PHLDB2: variants seen among roughly 807,000 people sequenced by gnomAD.
The protein encoded by PHLDB2 is pleckstrin homology-like domain family B member 2.
Under a neutral mutation model 123.6 loss-of-function variants are expected in PHLDB2, and 71 were observed. The ratio of observed to expected loss-of-function variants is 0.57; its 90% CI spans 0.47 to 0.70. The LOEUF is 0.70. PHLDB2 is among the 30% of genes least tolerant of loss of function. The probability of loss-of-function intolerance (pLI) is 0.00; values close to 1 mark genes in which losing one functional copy is unlikely to be tolerated. For synonymous variants in PHLDB2, 547 were observed against 541.6 expected, an observed-to-expected ratio of 1.01 and a Z score of -0.14; for missense variants, 1,446 against 1,519.5, an observed-to-expected ratio of 0.95 and a Z score of 0.80.
chr3:111,972,045 A>C (rs2072225805), intron 16 of PHLDB2, among the ~76,000 whole-genome samples: 2 of 152,232 alleles, frequency 1.3e-5, no homozygotes, highest in African/African-American at 2.4e-5. Flanking sequence ...TATATTTTTC[A>C]GAGTTCTTTC....
rs1406411626 is a variant in PHLDB2 at position 111,820,421 on chromosome 3, A to T, written c.-48-25400A>T. The stretch of plus-strand genomic sequence containing the variant: ...ACCCCTTGGCATTCTACTCTAGTGG[A>T]ACTATATACTATAGTGGAAACACTA... On this transcript the variant is annotated intron_variant, in intron 1 of 17. Coordinates refer to the PHLDB2 transcript ENST00000393923. 2.0e-5 allele frequency among the ~76,000 whole-genome samples: 3 copies of T among 152,172 alleles called. 1 individual carries two copies. The highest frequency in any genetic ancestry group is 2.0e-4 in the Admixed American group (3 of 15,266).
intron 2 of PHLDB2, among the ~76,000 whole-genome samples, chr3:111,892,712 C>T (rs1162490821): frequency 6.6e-6 from 1 of 152,112 alleles, no homozygotes; most frequent in Non-Finnish European, 1.5e-5. Context: ...TTCTAGCATT[C>T]TTTGTAAGAA....
chr3:111,971,828 CTG>C (rs113549729), intron 16 of PHLDB2, among the ~76,000 whole-genome samples: 26 of 152,330 alleles, frequency 1.7e-4, no homozygotes, highest in African/African-American at 4.8e-4. Context: ...TCCCAGGACT[CTG>C]TGTTATTCAT....
At chr3:111,973,016 C>T (rs1298012337) in intron 16 of PHLDB2, among the ~76,000 whole-genome samples, 1 of 152,156 alleles carries the variant, frequency 6.6e-6, no homozygotes, top group Non-Finnish European at 1.5e-5. Context: ...TTTTAAAATT[C>T]TTTAATATGC....
intron 12 of PHLDB2, chr3:111,957,028 G>A (rs1217471156): frequency 6.6e-6 from 1 of 152,478 alleles, no homozygotes; most frequent in African/African-American, 2.4e-5. Flanking sequence ...GGATGATGGT[G>A]TAAGTATAAG....
intron 5 of PHLDB2, among the ~76,000 whole-genome samples, chr3:111,931,839 A>T (rs1001781311): frequency 1.3e-5 from 2 of 152,188 alleles, no homozygotes; most frequent in Non-Finnish European, 2.9e-5. Context: ...GCCTTGAGCG[A>T]GTTAGGCTAT....
In PHLDB2 at chr3:111,884,466, A is replaced by G; in HGVS notation, c.389A>G (p.His130Arg). ...GYPLGRADFD[H>R]YTGRDSERAL... Reference sequence around the variant, plus strand: ...CCACTTGGAAGAGCAGACTTTGATCATTATACTGGCCGGGACAGTGAAAGG... The same window carrying G: ...CCACTTGGAAGAGCAGACTTTGATCGTTATACTGGCCGGGACAGTGAAAGG... Residue 130 changes from histidine to arginine, a missense_variant, in exon 2 of 18, where the codon CAT becomes CGT. His to Arg is a conservative substitution (Grantham distance 29). Transcript: ENST00000431670. The G allele has an allele frequency of 6.2e-7, 1 of 1,614,178 alleles. No individual in the cohort carries two copies. Among genetic ancestry groups the G allele is most frequent in the Non-Finnish European group, 8.5e-7 (1 of 1,180,018 alleles).
At chr3:111,831,009 G>GA (rs1238659440) in intron 1 of PHLDB2, among the ~76,000 whole-genome samples, 1 of 100,138 alleles carries the variant, frequency 1.0e-5, no homozygotes, top group Admixed American at 1.1e-4. Flanking sequence ...AAGAAAGAAA[G>GA]AAAGAAAGAA....
At chr3:111,882,407 A>C (rs2065974660) in intron 1 of PHLDB2, among the ~76,000 whole-genome samples, 1 of 152,154 alleles carries the variant, frequency 6.6e-6, no homozygotes, top group African/African-American at 2.4e-5. Context: ...GTTGCTTTTA[A>C]AACCAGAATT....
chr3:111,910,984 A>T (rs2067852516), intron 2 of PHLDB2, among the ~76,000 whole-genome samples: 1 of 152,362 alleles, frequency 6.6e-6, no homozygotes, highest in African/African-American at 2.4e-5. Flanking sequence ...AGAGAAACAC[A>T]TACCAGTAGA....
At chr3:111,926,504 G>A (rs2068820168) in intron 5 of PHLDB2, among the ~76,000 whole-genome samples, 1 of 152,022 alleles carries the variant, frequency 6.6e-6, no homozygotes, top group South Asian at 2.1e-4. Context: ...TGGGATTTGG[G>A]GATTAAATCA....
chr3:111,952,600 A>C lies in PHLDB2; in HGVS notation c.2660A>C (p.Lys887Thr). ...EHFRSLEERK[K>T]QHKEGLYLSD... is the part of the protein sequence containing the mutation. ...TTTAGAAGTCTGGAAGAAAGGAAAA[A>C]ACAGCATAAAGAAGGCCTCTATCTG... The change falls in exon 11 of 18, where the codon AAA becomes ACA. Residue 887 changes from lysine (K) to threonine (T), a missense_variant. Around this residue, in one of 3 missense-constraint regions of PHLDB2, gnomAD observed 594 missense variants for 646.0 expected, o/e 0.92. Transcript: ENST00000431670. The C allele has an allele frequency of 6.2e-7, 1 of 1,613,092 alleles. No homozygotes were observed.
intron 1 of PHLDB2, among the ~76,000 whole-genome samples, chr3:111,880,520 A>C (rs2107311428): frequency 6.6e-6 from 1 of 152,286 alleles, no homozygotes; most frequent in Non-Finnish European, 1.5e-5. Flanking sequence ...CTAAAAAACT[A>C]GTATTTATGT....
At chr3:111,863,642 A>G (rs1371432025) in intron 1 of PHLDB2, among the ~76,000 whole-genome samples, 1 of 152,230 alleles carries the variant, frequency 6.6e-6, no homozygotes, top group Admixed American at 6.5e-5. Flanking sequence ...TGGGTTAGAT[A>G]GCGGCAGAAT....
At chr3:111,965,081 G>T (rs2071666215) in intron 13 of PHLDB2, among the ~76,000 whole-genome samples, 1 of 152,130 alleles carries the variant, frequency 6.6e-6, no homozygotes, top group Non-Finnish European at 1.5e-5. Flanking sequence ...ATGAAGTCAG[G>T]TATTCACAAT....
chr3:111,859,736 C>A (rs997152564), intron 1 of PHLDB2, 160 bp downstream of exon 1: 2 of 984,968 alleles, frequency 2.0e-6, no homozygotes, highest in Non-Finnish European at 2.4e-6. Context: ...CTGCCCGGGC[C>A]GAGGAGGGGC....
chr3:111,857,056 T>C (rs535558206), upstream of PHLDB2, among the ~76,000 whole-genome samples: 3 of 152,134 alleles, frequency 2.0e-5, no homozygotes, highest in East Asian at 1.9e-4. Flanking sequence ...GAGGGAATTA[T>C]AGGCAGAGAG....
chr3:111,850,777 A>C (rs552870158), intron 2 of PHLDB2, among the ~76,000 whole-genome samples: 1 of 152,168 alleles, frequency 6.6e-6, no homozygotes, highest in Non-Finnish European at 1.5e-5. Context: ...TCAATACATA[A>C]ATAAATAAAA....
intron 1 of PHLDB2, among the ~76,000 whole-genome samples, chr3:111,780,412 A>ATT (rs2060419890): frequency 8.6e-6 from 1 of 116,680 alleles, no homozygotes; most frequent in African/African-American, 3.4e-5. Flanking sequence ...AGAAGAAGAA[A>ATT]AAGATTAGTT....
Sources: gnomAD v4.1 joint callset for allele counts (sites outside exome capture counted in the v4.1 genomes callset) on GRCh38, gnomAD v4.1.1 for gene constraint, gnomAD v4.1.1 regional missense constraint, MANE v1.5 for transcripts, NCBI Gene and HGNC (gene_info 2026-07-23, HGNC 2026-07-21) for gene names.